The following WSB1 variants were observed in gnomAD, a reference collection of about 807,000 sequenced individuals.
The protein encoded by WSB1 is WD repeat and SOCS box containing 1, also known as WD repeat and SOCS box-containing protein 1.
WSB1 carries 23 observed loss-of-function variants against 50.2 expected under a neutral mutation model. That is an observed-to-expected ratio of 0.46 (90% CI 0.33 to 0.65). The LOEUF is 0.65. Among genes scored for constraint, WSB1 ranks in the 30% least tolerant of loss-of-function variants. The probability of loss-of-function intolerance (pLI) is 0.02; values close to 1 mark genes in which losing one functional copy is unlikely to be tolerated. For synonymous variants in WSB1, 179 were observed against 172.0 expected (o/e 1.04, Z -0.32); for missense variants, 492 against 522.3 (o/e 0.94, Z 0.56).
Position 27,294,144 on chromosome 17 carries a change from G to GCAGTTCCCC in WSB1, c.-252_-251insCAGTTCCCC. The GCAGTTCCCC allele has an allele frequency of 8.8e-6, 3 of 342,064 alleles. No homozygotes were observed. Among genetic ancestry groups the GCAGTTCCCC allele is most frequent in the Non-Finnish European group, 1.6e-5 (3 of 188,382 alleles). 21.2% of individuals were successfully genotyped at this position (342,064 alleles called of 1,614,324 possible). ...CTCGTTTGCAGTCGGCGCTTTAGGG[G>GCAGTTCCCC]AACTGTCTTCCTCCGCAGGCGCGAG... is the stretch of plus-strand genomic sequence containing the variant. On this transcript the variant is annotated 5_prime_UTR_variant, in exon 1 of 9. Transcript: ENST00000262394.
rs1234594089 is a variant in WSB1, at chr17:27,313,269, T to TA, written c.*901dup. On this transcript the variant is annotated 3_prime_UTR_variant, in exon 9 of 9. Transcript: ENST00000262394. ...AAAAGGATGTCTTTTTTTTTTTTTT[T>TA]ACTCCCCCTCTAAACACTGCTGCTG... The TA allele has an allele frequency of 2.0e-5, 3 of 150,976 alleles. No homozygotes were observed. Among genetic ancestry groups the TA allele is most frequent in the African/African-American group, 4.9e-5 (2 of 40,432 alleles). The allele number at this position is 150,976 out of a possible 1,614,324, so 9.4% of individuals were successfully genotyped here.
At chr17:27,302,115 T>G in intron 2 of WSB1, 159 bp downstream of exon 2, 1 of 1,029,486 alleles carries the variant, frequency 9.7e-7, no homozygotes, top group Non-Finnish European at 1.3e-6. Context: ...AAATTTTGTG[T>G]AAAGAATTCT....
At position 27,301,770 on chromosome 17, in the gene WSB1, T is replaced by G; in HGVS notation, c.41-18T>G. On this transcript the variant is annotated intron_variant, in intron 1 of 8. Coordinates refer to ENST00000262394, the MANE Select transcript of WSB1 (RefSeq NM_015626.10). The stretch of plus-strand genomic sequence containing the variant: ...GTTGGTTATATATGATATCCAGTAT[T>G]TTTATTTTTCCTTTTAGTGAGATTA... 6.2e-7 allele frequency: 1 copy of G among 1,612,154 alleles called. No homozygotes were observed. Among genetic ancestry groups the G allele is most frequent in the Non-Finnish European group, 8.5e-7 (1 of 1,178,900 alleles).
At chr17:27,304,973 T>C in intron 4 of WSB1, 62 bp downstream of exon 4, 1 of 1,592,838 alleles carries the variant, frequency 6.3e-7, no homozygotes, top group Non-Finnish European at 8.6e-7. Context: ...TGGAGAGGTA[T>C]TGGGAACATG....
intron 7 of WSB1, 81 bp downstream of exon 7, chr17:27,310,255 G>A (rs1327171277): frequency 5.5e-6 from 7 of 1,266,744 alleles, no homozygotes; most frequent in Non-Finnish European, 5.7e-6. Context: ...GCAGTTAAGA[G>A]TTTTAATGTC....
intron 1 of WSB1, among the ~76,000 whole-genome samples, chr17:27,296,110 G>C (rs1418609835): frequency 6.6e-6 from 1 of 152,140 alleles, no homozygotes; most frequent in Non-Finnish European, 1.5e-5. Context: ...TAGGATTACG[G>C]GCGTGAGCCA....
Position 27,312,207 on chromosome 17 carries a change from T to C in WSB1, c.1107-3T>C, listed in dbSNP as rs369539895. 8 of 1,606,034 alleles carry C rather than the reference T, an allele frequency of 5.0e-6. No homozygotes were observed. The African/African-American group carries it at 8.1e-5, about 16-fold the overall frequency. On this transcript the variant is annotated splice_region_variant and splice_polypyrimidine_tract_variant and intron_variant, in intron 8 of 8. Transcript: ENST00000262394. ...ACTAAGCATGTGCTTTGTTTCTGTT[T>C]AGGACACATGACGGAAGTGTGTATT...
chr17:27,307,338 ATAG>A, intron 5 of WSB1: 2 of 221,844 alleles, frequency 9.0e-6, no homozygotes, highest in Non-Finnish European at 1.8e-5. Flanking sequence ...TCCTACAGTT[ATAG>A]GTGAAATTTG....
In WSB1 at chr17:27,309,190, G is replaced by A; in HGVS notation, c.802G>A (p.Gly268Arg). ...GGTAGCTTGTGACTTTTCTCCTGAT[G>A]GAGCATTACTGGCTACTGCATCTTA... ...DVVACDFSPD[G>R]ALLATASYDT... Residue 268 changes from glycine to arginine, a missense_variant, in exon 6 of 9, where the codon GGA (glycine) becomes AGA (arginine). Gly to Arg is a moderately radical substitution (Grantham distance 125). Transcript: ENST00000262394. 6.2e-7 allele frequency: 1 copy of A among 1,613,490 alleles called. No homozygotes were observed. Among genetic ancestry groups the A allele is most frequent in the Admixed American group, 1.7e-5 (1 of 59,896 alleles).
In WSB1 at chr17:27,306,826, A is replaced by C. The variant is rs2017479480; in HGVS notation, c.655A>C (p.Ser219Arg). The C allele has an allele frequency of 1.9e-6, 3 of 1,614,190 alleles. No homozygotes were observed. The East Asian group carries it at 6.7e-5, about 36-fold the overall frequency. The change falls in exon 5 of 9, where the codon AGC (serine) becomes CGC (arginine). Residue 219 changes from serine to arginine, a missense_variant. Ser to Arg is a moderately radical substitution (Grantham distance 110, BLOSUM62 -1). Transcript: ENST00000262394. ...VLRGHQNWVY[S>R]CAFSPDSSML... is the part of the protein sequence containing the mutation. ...GAGGGGGCATCAGAATTGGGTGTAC[A>C]GCTGTGCATTCTCTCCTGACTCTTC... is the stretch of plus-strand genomic sequence containing the variant.
intron 2 of WSB1, 175 bp from the exon 3 acceptor site, chr17:27,303,189 GTCC>G: frequency 1.6e-6 from 1 of 631,360 alleles, no homozygotes; most frequent in African/African-American, 1.9e-5. Context: ...TTCTATTAAT[GTCC>G]TTCTCTCGTA....
At chr17:27,310,848 TTTTG>T (rs898543615) in intron 7 of WSB1, among the ~76,000 whole-genome samples, 34 of 152,268 alleles carry the variant, frequency 2.2e-4, no homozygotes, top group South Asian at 6.2e-4. Context: ...TCCTGGTTTT[TTTTG>T]TTTGTTTATT....
intron 5 of WSB1, chr17:27,308,195 T>A: frequency 1.0e-6 from 1 of 980,086 alleles, no homozygotes; most frequent in Non-Finnish European, 1.2e-6. Flanking sequence ...AATAATGTAT[T>A]GTGTCTGTGC....
chr17:27,301,684 C>A, intron 1 of WSB1, 104 bp from the exon 2 acceptor site: 1 of 1,220,252 alleles, frequency 8.2e-7, no homozygotes. Context: ...TATACCCTGT[C>A]TGCATAGAAG....
Position 27,306,868 on chromosome 17 carries a change from G to A in WSB1, c.697G>A (p.Gly233Arg), listed in dbSNP as rs1212319181. Residue 233 changes from glycine (G) to arginine (R), a missense_variant, in exon 5 of 9, where the codon GGA (glycine) becomes AGA (arginine). Coordinates refer to ENST00000262394, the MANE Select transcript of WSB1 (RefSeq NM_015626.10). ...SPDSSMLCSV[G>R]ASKAVFLWNM... Reference sequence around the variant, plus strand: ...TGACTCTTCTATGCTGTGTTCAGTCGGAGCCAGTAAAGCAGTACGTGTCAA... The same window carrying A: ...TGACTCTTCTATGCTGTGTTCAGTCAGAGCCAGTAAAGCAGTACGTGTCAA... 10 of 1,613,936 alleles carry A rather than the reference G, an allele frequency of 6.2e-6. No homozygotes were observed. The highest frequency in any genetic ancestry group is 2.2e-5 in the East Asian group (1 of 44,892).
At chr17:27,296,850 T>G (rs17776707) in intron 1 of WSB1, among the ~76,000 whole-genome samples, 50,553 of 152,124 alleles carry the variant, frequency 0.33, 8,699 homozygotes, top group Middle Eastern at 0.45. Context: ...AGGTTTAACT[T>G]AAAAATTTTT....
chr17:27,315,638 G>A lies in WSB1; in HGVS notation c.*3269G>A, dbSNP rs2017815363. The A allele has an allele frequency of 6.6e-6, 1 of 152,222 alleles. No individual in the cohort carries two copies. Among genetic ancestry groups the A allele is most frequent in the African/African-American group, 2.4e-5 (1 of 41,448 alleles). 9.4% of individuals were successfully genotyped at this position (152,222 alleles called of 1,614,324 possible). On this transcript the variant is annotated 3_prime_UTR_variant, in exon 9 of 9. Transcript: ENST00000262394. ...GAAGTTTCACGAGCCTGAAACCATT[G>A]AGACAGTGATTACAACCTCCATATT...
intron 4 of WSB1, among the ~76,000 whole-genome samples, chr17:27,306,339 A>G (rs1233818358): frequency 2.0e-5 from 3 of 149,816 alleles, no homozygotes; most frequent in Non-Finnish European, 4.4e-5. Context: ...CAGCCTCCCA[A>G]GTAGCTAGGA....
chr17:27,299,234 A>C (rs2017118858), intron 1 of WSB1, among the ~76,000 whole-genome samples: 1 of 152,186 alleles, frequency 6.6e-6, no homozygotes, highest in Admixed American at 6.5e-5. Flanking sequence ...GTATTAAGAA[A>C]GTTATGTGGC....
Sources: allele counts gnomAD v4.1 joint callset (sites outside exome capture counted in the v4.1 genomes callset), GRCh38; gene constraint gnomAD v4.1.1; transcripts MANE v1.5; gene names NCBI Gene and HGNC (gene_info 2026-07-23, HGNC 2026-07-21).